P4HA1: variants seen among roughly 807,000 people sequenced by gnomAD.
P4HA1 encodes prolyl 4-hydroxylase subunit alpha 1.
P4HA1 carries 24 observed loss-of-function variants against 72.8 expected under a neutral mutation model. That is an observed-to-expected ratio of 0.33 (90% CI 0.24 to 0.46). The LOEUF (loss-of-function observed/expected upper bound fraction) is 0.46, where lower values mean the gene tolerates loss of function less well. Ranked by LOEUF, P4HA1 falls within the 20% of genes least tolerant of loss-of-function variation. The pLI is 1.00. For missense variants in P4HA1, 446 were observed against 640.6 expected (o/e 0.70, Z 3.28); for synonymous variants, 201 against 218.8 (o/e 0.92, Z 0.72).
In P4HA1 at chr10:73,058,628, A is replaced by G. The variant is rs149248363; in HGVS notation, c.464-5038T>C. ...CCCAATAAATCATCCTCTACTGACAATAAGTAAAAAAAACTGTAGAACCTC... is the reference window on the plus strand; with the variant it reads ...CCCAATAAATCATCCTCTACTGACAGTAAGTAAAAAAAACTGTAGAACCTC... On this transcript the variant is annotated intron_variant, in intron 5 of 14. Coordinates refer to ENST00000394890, the MANE Select transcript of P4HA1 (RefSeq NM_001017962.3). Among the ~76,000 whole-genome samples, 8 of 152,146 alleles carry G rather than the reference A, an allele frequency of 5.3e-5. No individual in the cohort carries two copies. In the East Asian group the frequency reaches 1.4e-3, roughly 26 times the overall value.
At chr10:73,070,544 G>A (rs547781217) in intron 4 of P4HA1, among the ~76,000 whole-genome samples, 1 of 151,898 alleles carries the variant, frequency 6.6e-6, no homozygotes, top group East Asian at 1.9e-4. Flanking sequence ...GTCTTGCCAT[G>A]TTGCCCAGGC....
At chr10:73,032,199 A>G (rs950728865) in intron 9 of P4HA1, among the ~76,000 whole-genome samples, 2 of 152,170 alleles carry the variant, frequency 1.3e-5, no homozygotes, top group African/African-American at 4.8e-5. Context: ...AAACGCCTTT[A>G]CAATTAAAAA....
intron 1 of P4HA1, among the ~76,000 whole-genome samples, chr10:73,093,949 T>C (rs1186186208): frequency 7.0e-6 from 1 of 143,790 alleles, no homozygotes; most frequent in African/African-American, 2.5e-5. Context: ...ATTTGGATTT[T>C]TTATATATAT....
intron 5 of P4HA1, among the ~76,000 whole-genome samples, chr10:73,060,963 C>T (rs981365688): frequency 9.9e-5 from 15 of 151,932 alleles, no homozygotes; most frequent in Admixed American, 2.6e-4. Context: ...TTCAGGGTAA[C>T]CAAATGGTTC....
intron 9 of P4HA1, among the ~76,000 whole-genome samples, chr10:73,042,194 A>T (rs892786146): frequency 2.0e-5 from 3 of 152,004 alleles, no homozygotes; most frequent in Non-Finnish European, 4.4e-5. Context: ...AAGAAAAAAA[A>T]TTTTTCTCTC....
intron 10 of P4HA1, among the ~76,000 whole-genome samples, chr10:73,028,200 T>C (rs1215562698): frequency 6.6e-6 from 1 of 150,794 alleles, no homozygotes; most frequent in Non-Finnish European, 1.5e-5. Flanking sequence ...CTGCAAGCGT[T>C]ATAAATAAAA....
chr10:73,088,195 C>T (rs1040541561), intron 1 of P4HA1, among the ~76,000 whole-genome samples: 5 of 152,124 alleles, frequency 3.3e-5, no homozygotes, highest in South Asian at 2.1e-4. Flanking sequence ...ACCCGGCCTA[C>T]GAACCATTTT....
chr10:73,011,917 A>G (rs1220686566), intron 12 of P4HA1, among the ~76,000 whole-genome samples: 1 of 152,204 alleles, frequency 6.6e-6, no homozygotes, highest in Non-Finnish European at 1.5e-5. Context: ...GTATTTTACA[A>G]TGATAAATAC....
At chr10:73,081,528 A>T (rs973229439) in intron 1 of P4HA1, among the ~76,000 whole-genome samples, 18 of 152,186 alleles carry the variant, frequency 1.2e-4, no homozygotes, top group Non-Finnish European at 2.1e-4. Context: ...ATAAAAATAA[A>T]TGTGAAGTTT....
In P4HA1 at chr10:73,007,573, T is replaced by G. The variant is rs1839819240; in HGVS notation, c.*649A>C. The G allele has an allele frequency of 7.0e-6, 1 of 143,220 alleles. No individual in the cohort carries two copies. The highest frequency in any genetic ancestry group is 2.9e-5 in the African/African-American group (1 of 34,876). The allele number at this position is 143,220 out of a possible 1,614,324, so 8.9% of individuals were successfully genotyped here. ...AGGCCCAGTGTTGTTATGCAGGACT[T>G]TCCATTAAAAAAAAAAAAAAAATCG... On this transcript the variant is annotated 3_prime_UTR_variant, in exon 15 of 15. Coordinates refer to ENST00000394890, the MANE Select transcript of P4HA1 (RefSeq NM_001017962.3).
At chr10:73,076,710 A>G (rs1263162946) in intron 1 of P4HA1, among the ~76,000 whole-genome samples, 1 of 151,936 alleles carries the variant, frequency 6.6e-6, no homozygotes, top group African/African-American at 2.4e-5. Context: ...CCCTACAAAC[A>G]TGAACTTTGT....
chr10:73,086,683 G>A (rs534709121), intron 1 of P4HA1, among the ~76,000 whole-genome samples: 88 of 152,048 alleles, frequency 5.8e-4, no homozygotes, highest in African/African-American at 1.7e-3. Context: ...CTGTAATCCC[G>A]GCACTTTGGG....
chr10:73,096,854 G>A lies in P4HA1; in HGVS notation c.-121C>T, dbSNP rs1335714393. ...TACTTCCTACCCTCAGCCCGCTGGC[G>A]GCGCGACTGGGCAGCAGAGGGAGCC... On this transcript the variant is annotated 5_prime_UTR_variant, in exon 1 of 15. Coordinates refer to ENST00000394890, the MANE Select transcript of P4HA1 (RefSeq NM_001017962.3). 2 of 152,690 alleles carry A rather than the reference G, an allele frequency of 1.3e-5. No homozygotes were observed. Among genetic ancestry groups the A allele is most frequent in the Non-Finnish European group, 1.5e-5 (1 of 68,116 alleles). The allele number at this position is 152,690 out of a possible 1,614,324, so 9.5% of individuals were successfully genotyped here. A position where few individuals can be genotyped will look rare whatever the true frequency, so the allele number is the denominator to read the frequency against.
chr10:73,093,169 A>G (rs1195417196), intron 1 of P4HA1, among the ~76,000 whole-genome samples: 3 of 151,986 alleles, frequency 2.0e-5, no homozygotes, highest in African/African-American at 7.3e-5. Context: ...CTAATTCCAC[A>G]TAATATTACT....
chr10:73,027,435 C>T (rs1331145324), intron 10 of P4HA1, among the ~76,000 whole-genome samples: 2 of 145,708 alleles, frequency 1.4e-5, no homozygotes, highest in South Asian at 4.7e-4. Flanking sequence ...ACATCACACA[C>T]CGGGGCCTGT....
At chr10:73,018,069 C>G (rs1201668302) in intron 10 of P4HA1, among the ~76,000 whole-genome samples, 1 of 152,160 alleles carries the variant, frequency 6.6e-6, no homozygotes, top group Non-Finnish European at 1.5e-5. Flanking sequence ...CATTCCCAAG[C>G]AGAGCTGCCA....
At chr10:73,085,202 T>C (rs904734483) in intron 1 of P4HA1, among the ~76,000 whole-genome samples, 2 of 152,158 alleles carry the variant, frequency 1.3e-5, no homozygotes, top group African/African-American at 2.4e-5. Context: ...GCCTAGGCAA[T>C]AGTTTCTTAG....
chr10:73,017,444 T>A (rs1411066317), intron 10 of P4HA1, among the ~76,000 whole-genome samples: 1 of 152,070 alleles, frequency 6.6e-6, no homozygotes, highest in Non-Finnish European at 1.5e-5. Flanking sequence ...GCCTCCTGAG[T>A]AGCTGGGACT....
chr10:73,079,470 G>A (rs920828381), intron 1 of P4HA1, among the ~76,000 whole-genome samples: 9 of 150,198 alleles, frequency 6.0e-5, no homozygotes, highest in African/African-American at 9.8e-5. Context: ...GGCCAGGAGC[G>A]GTGGCTCACG....
Sources: gnomAD v4.1 joint callset for allele counts (sites outside exome capture counted in the v4.1 genomes callset) on GRCh38, gnomAD v4.1.1 for gene constraint, MANE v1.5 for transcripts, NCBI Gene and HGNC (gene_info 2026-07-23, HGNC 2026-07-21) for gene names.